Variants in DCC observed in about 807,000 individuals in gnomAD.
DCC encodes the protein DCC netrin 1 receptor, also known as netrin receptor DCC.
DCC carries 58 observed loss-of-function variants against 172.5 expected under a neutral mutation model. That is an observed-to-expected ratio of 0.34 (90% CI 0.27 to 0.42). The LOEUF is 0.42. Ranked by LOEUF, DCC falls within the 10% of genes least tolerant of loss-of-function variation. DCC has a pLI of 1.00. For missense variants in DCC, 1,740 were observed against 1,791.0 expected, an observed-to-expected ratio of 0.97 and a Z score of 0.51; for synonymous variants, 709 against 644.5, an observed-to-expected ratio of 1.10 and a Z score of -1.52.
At chr18:53,075,409 A>G (rs539577478) in intron 7 of DCC, among the ~76,000 whole-genome samples, 1 of 152,316 alleles carries the variant, frequency 6.6e-6, no homozygotes, top group South Asian at 2.1e-4. Flanking sequence ...TTGAAATTAG[A>G]AATGAATTCT....
intron 2 of DCC, among the ~76,000 whole-genome samples, chr18:52,871,865 A>G (rs2039324271): frequency 6.6e-6 from 1 of 152,164 alleles, no homozygotes; most frequent in Non-Finnish European, 1.5e-5. Context: ...CTTTTCTCTC[A>G]TTAATCAAGA....
At chr18:53,476,783 T>C (rs568342597) in intron 25 of DCC, among the ~76,000 whole-genome samples, 62 of 152,260 alleles carry the variant, frequency 4.1e-4, no homozygotes, top group African/African-American at 1.5e-3. Flanking sequence ...TTGTTCTGGA[T>C]TACAGATGCC....
chr18:52,780,593 A>T (rs985855668), intron 2 of DCC, among the ~76,000 whole-genome samples: 1 of 152,150 alleles, frequency 6.6e-6, no homozygotes, highest in Non-Finnish European at 1.5e-5. Context: ...GTTTGATGAA[A>T]ATTGGATAAT....
rs550523964 is a variant in DCC at position 52,782,137 on chromosome 18, G to A, written c.412+29763G>A. On this transcript the variant is annotated intron_variant, in intron 2 of 28. Coordinates refer to ENST00000442544, the MANE Select transcript of DCC (RefSeq NM_005215.4). ...ATGCATTTTCAGAGCTAAGCACAAA[G>A]GTGCTTCCTAAACAAAAGGATCTTT... is the stretch of plus-strand genomic sequence containing the variant. Among the ~76,000 whole-genome samples the A allele has an allele frequency of 1.1e-3, 161 of 152,180 alleles. 2 individuals are homozygous for A. In the South Asian group the frequency reaches 0.032, roughly 30 times the overall value.
intron 8 of DCC, among the ~76,000 whole-genome samples, chr18:53,169,792 G>C (rs2054985083): frequency 6.6e-6 from 1 of 152,232 alleles, no homozygotes; most frequent in African/African-American, 2.4e-5. Context: ...ATTATTCACT[G>C]TTCTCTTTTC....
intron 2 of DCC, chr18:52,758,799 G>T (rs2702242): frequency 6.6e-6 from 1 of 152,036 alleles, no homozygotes; most frequent in Admixed American, 6.6e-5. Flanking sequence ...GCAAATATAA[G>T]AATTTTGCCT....
chr18:53,287,072 C>T (rs1243861225), intron 12 of DCC, among the ~76,000 whole-genome samples: 1 of 152,066 alleles, frequency 6.6e-6, no homozygotes, highest in Non-Finnish European at 1.5e-5. Flanking sequence ...ACAACCATCA[C>T]CACATTAATT....
chr18:53,430,010 CT>C (rs1242676090), intron 21 of DCC, among the ~76,000 whole-genome samples: 1 of 152,086 alleles, frequency 6.6e-6, no homozygotes, highest in Non-Finnish European at 1.5e-5. Flanking sequence ...GTAAACCGAT[CT>C]TTTAGAAACA....
intron 14 of DCC, among the ~76,000 whole-genome samples, chr18:53,338,216 T>G (rs1197157229): frequency 6.6e-6 from 1 of 152,244 alleles, no homozygotes; most frequent in African/African-American, 2.4e-5. Flanking sequence ...ACTCCAATAG[T>G]GCAGGTTTAA....
chr18:52,499,493 A>G (rs924582681), intron 1 of DCC, among the ~76,000 whole-genome samples: 8 of 152,154 alleles, frequency 5.3e-5, no homozygotes, highest in Non-Finnish European at 1.0e-4. Flanking sequence ...TTTGGATGCA[A>G]TAAGACCAAC....
intron 2 of DCC, among the ~76,000 whole-genome samples, chr18:52,775,717 C>T (rs999417472): frequency 1.3e-5 from 2 of 152,236 alleles, no homozygotes; most frequent in African/African-American, 4.8e-5. Flanking sequence ...CCACTTGTGT[C>T]TTCTTCCGCC....
chr18:52,945,009 C>T (rs918851178), intron 5 of DCC, among the ~76,000 whole-genome samples: 2 of 152,108 alleles, frequency 1.3e-5, no homozygotes, highest in African/African-American at 4.8e-5. Context: ...CTGTGAAATC[C>T]ACTTGTGTTC....
chr18:52,528,202 C>T (rs2032040368), intron 1 of DCC, among the ~76,000 whole-genome samples: 1 of 152,170 alleles, frequency 6.6e-6, no homozygotes, highest in Non-Finnish European at 1.5e-5. Context: ...TCTTTCCTCT[C>T]ATTTTCCCAG....
intron 1 of DCC, among the ~76,000 whole-genome samples, chr18:52,607,930 AT>A (rs1258836065): frequency 1.3e-5 from 2 of 152,154 alleles, no homozygotes; most frequent in Admixed American, 6.6e-5. Context: ...AAGATAAATG[AT>A]ATTTTGGAAA....
chr18:52,401,955 G>C (rs1441315511), intron 1 of DCC, among the ~76,000 whole-genome samples: 3 of 151,796 alleles, frequency 2.0e-5, no homozygotes, highest in Non-Finnish European at 4.4e-5. Flanking sequence ...TGCCTTTTCT[G>C]GAAGAAAATT....
chr18:52,669,334 A>G (rs1568031836), intron 1 of DCC, among the ~76,000 whole-genome samples: 1 of 152,192 alleles, frequency 6.6e-6, no homozygotes, highest in South Asian at 2.1e-4. Flanking sequence ...CAGGACTCCT[A>G]AACCATAATT....
intron 3 of DCC, among the ~76,000 whole-genome samples, chr18:52,907,453 T>C (rs1216488315): frequency 2.0e-5 from 3 of 151,764 alleles, no homozygotes; most frequent in African/African-American, 7.3e-5. Flanking sequence ...GGTCTTACTC[T>C]GTTGCCCAGG....
intron 15 of DCC, among the ~76,000 whole-genome samples, chr18:53,376,070 G>A (rs943497486): frequency 7.9e-5 from 12 of 151,982 alleles, no homozygotes; most frequent in Non-Finnish European, 1.6e-4. Flanking sequence ...ATTTTCTAAC[G>A]TTGTTGAGAT....
At chr18:53,345,829 G>A (rs1019707006) in intron 15 of DCC, among the ~76,000 whole-genome samples, 1 of 150,086 alleles carries the variant, frequency 6.7e-6, no homozygotes, top group South Asian at 2.1e-4. Context: ...TATGGTTTTT[G>A]ATGAAAAACC....
Sources: allele counts gnomAD v4.1 joint callset (sites outside exome capture counted in the v4.1 genomes callset), GRCh38; gene constraint gnomAD v4.1.1; transcripts MANE v1.5; gene names NCBI Gene and HGNC (gene_info 2026-07-23, HGNC 2026-07-21).